Variants in GALNTL6 observed in about 807,000 individuals in gnomAD.
GALNTL6 encodes polypeptide N-acetylgalactosaminyltransferase-like 6.
A neutral mutation model predicts 73.7 loss-of-function variants in GALNTL6; 46 were observed. The ratio of observed to expected loss-of-function variants is 0.62; its 90% CI spans 0.49 to 0.80. The LOEUF is 0.80. Ranked by LOEUF, GALNTL6 falls within the 30% of genes least tolerant of loss-of-function variation. The pLI is 0.00. For missense variants in GALNTL6, 604 were observed against 755.0 expected (o/e 0.80, Z 2.34); for synonymous variants, 259 against 263.7 (o/e 0.98, Z 0.17).
intron 2 of GALNTL6, among the ~76,000 whole-genome samples, chr4:172,031,140 G>A (rs537509080): frequency 2.4e-4 from 36 of 152,218 alleles, no homozygotes; most frequent in Admixed American, 1.6e-3. Flanking sequence ...GATGACAGCC[G>A]TTTCTCGGCC....
intron 2 of GALNTL6, among the ~76,000 whole-genome samples, chr4:171,951,616 A>T (rs201864976): frequency 3.7e-5 from 2 of 53,674 alleles, no homozygotes; most frequent in South Asian, 6.6e-4. Flanking sequence ...AAGCACTTTT[A>T]AAAATTACTT....
intron 2 of GALNTL6, among the ~76,000 whole-genome samples, chr4:171,910,730 A>G (rs941050141): frequency 1.3e-5 from 2 of 152,186 alleles, no homozygotes; most frequent in East Asian, 1.9e-4. Flanking sequence ...AACTTGTAAT[A>G]TAACTCAATT....
At chr4:172,334,659 T>G (rs1741247598) in intron 4 of GALNTL6, among the ~76,000 whole-genome samples, 1 of 152,200 alleles carries the variant, frequency 6.6e-6, no homozygotes, top group Admixed American at 6.5e-5. Flanking sequence ...CATGTAATCA[T>G]GTCATCAGAG....
chr4:172,263,648 C>A (rs1738332498), intron 3 of GALNTL6, among the ~76,000 whole-genome samples: 1 of 150,802 alleles, frequency 6.6e-6, no homozygotes, highest in African/African-American at 2.4e-5. Context: ...TCTATTTTTC[C>A]CCAATATTTC....
intron 5 of GALNTL6, among the ~76,000 whole-genome samples, chr4:172,695,065 T>C (rs1012477283): frequency 2.6e-5 from 4 of 152,178 alleles, no homozygotes; most frequent in African/African-American, 7.2e-5. Flanking sequence ...CAAAAACTTT[T>C]GCAAAAATTA....
chr4:172,620,917 A>G (rs572863907), intron 5 of GALNTL6, among the ~76,000 whole-genome samples: 33 of 152,322 alleles, frequency 2.2e-4, no homozygotes, highest in Non-Finnish European at 4.3e-4. Flanking sequence ...TAGAGTTTTC[A>G]TAACGCATTC....
chr4:172,791,703 G>C (rs1465011564), intron 5 of GALNTL6, among the ~76,000 whole-genome samples: 1 of 152,072 alleles, frequency 6.6e-6, no homozygotes, highest in Admixed American at 6.5e-5. Context: ...ATAAATTTTA[G>C]AGCAAAGCAG....
intron 5 of GALNTL6, among the ~76,000 whole-genome samples, chr4:172,493,091 A>C (rs1256292715): frequency 6.6e-6 from 1 of 152,202 alleles, no homozygotes; most frequent in Non-Finnish European, 1.5e-5. Flanking sequence ...ATTTAAGAGA[A>C]CATCAAATAC....
chr4:172,489,283 C>T (rs1733812481), intron 5 of GALNTL6, among the ~76,000 whole-genome samples: 1 of 152,184 alleles, frequency 6.6e-6, no homozygotes, highest in African/African-American at 2.4e-5. Context: ...CAGACACACA[C>T]ACACGCTCAG....
intron 5 of GALNTL6, among the ~76,000 whole-genome samples, chr4:172,390,326 A>G (rs2111301291): frequency 6.6e-6 from 1 of 152,272 alleles, no homozygotes; most frequent in South Asian, 2.1e-4. Flanking sequence ...AATTAACAGA[A>G]CAAAAACCAT....
At chr4:172,540,051 CT>C (rs70944413) in intron 5 of GALNTL6, among the ~76,000 whole-genome samples, 1,563 of 129,176 alleles carry the variant, frequency 0.012, 13 homozygotes, top group African/African-American at 0.03. Flanking sequence ...TTCTTTCTTT[CT>C]TTTTTTTTTT....
At chr4:172,293,469 ATATTAT>A (rs1022744434) in intron 3 of GALNTL6, among the ~76,000 whole-genome samples, 7 of 152,072 alleles carry the variant, frequency 4.6e-5, no homozygotes, top group East Asian at 1.9e-4. Context: ...TGAGAGAAGG[ATATTAT>A]TATTATTAAG....
chr4:172,479,474 T>G (rs1248915662), intron 5 of GALNTL6, among the ~76,000 whole-genome samples: 1 of 152,202 alleles, frequency 6.6e-6, no homozygotes, highest in East Asian at 1.9e-4. Flanking sequence ...AAACAGAATG[T>G]TCTCACTTGC....
intron 2 of GALNTL6, among the ~76,000 whole-genome samples, chr4:171,947,793 T>A (rs946005834): frequency 6.6e-6 from 1 of 152,130 alleles, no homozygotes; most frequent in Non-Finnish European, 1.5e-5. Context: ...CAGCCTAATA[T>A]GTACTGGAGT....
At chr4:173,027,232 C>T (rs1409974211) in intron 12 of GALNTL6, among the ~76,000 whole-genome samples, 2 of 152,220 alleles carry the variant, frequency 1.3e-5, no homozygotes, top group Non-Finnish European at 2.9e-5. Flanking sequence ...TCCCGCCCAC[C>T]TCTACCTCCC....
intron 10 of GALNTL6, among the ~76,000 whole-genome samples, chr4:172,963,239 T>G (rs984378174): frequency 6.6e-6 from 1 of 152,098 alleles, no homozygotes; most frequent in African/African-American, 2.4e-5. Context: ...CTCCCGCCCT[T>G]ACTTCCTTCT....
At chr4:172,431,123 A>C (rs1404607767) in intron 5 of GALNTL6, among the ~76,000 whole-genome samples, 3 of 152,158 alleles carry the variant, frequency 2.0e-5, no homozygotes, top group African/African-American at 7.2e-5. Flanking sequence ...AAATTCTGCC[A>C]TTAAATTGGT....
At chr4:172,840,684 A>G (rs1400563216) in intron 7 of GALNTL6, among the ~76,000 whole-genome samples, 2 of 152,220 alleles carry the variant, frequency 1.3e-5, no homozygotes, top group East Asian at 3.9e-4. Flanking sequence ...TGCCAATGAC[A>G]CACAATATAT....
intron 11 of GALNTL6, among the ~76,000 whole-genome samples, chr4:173,010,041 A>G (rs567611011): frequency 3.3e-4 from 50 of 152,268 alleles, no homozygotes; most frequent in Non-Finnish European, 6.3e-4. Flanking sequence ...GAAATGTACA[A>G]TTAACTTATT....
Sources: allele counts gnomAD v4.1 joint callset (sites outside exome capture counted in the v4.1 genomes callset), GRCh38; gene constraint gnomAD v4.1.1; transcripts MANE v1.5; gene names NCBI Gene and HGNC (gene_info 2026-07-23, HGNC 2026-07-21).